TOGARAM1: variants seen among roughly 807,000 people sequenced by gnomAD.
TOGARAM1 encodes TOG array regulator of axonemal microtubules protein 1.
In TOGARAM1, 100 loss-of-function variants were observed where a neutral mutation model predicts 166.6. The observed-to-expected ratio is 0.60, with a 90% CI of 0.51 to 0.71. The LOEUF is 0.71. Ranked by LOEUF, TOGARAM1 falls within the 30% of genes least tolerant of loss-of-function variation. The probability of loss-of-function intolerance (pLI) is 0.00; values close to 1 mark genes in which losing one functional copy is unlikely to be tolerated. For synonymous variants in TOGARAM1, 758 were observed against 763.8 expected, an observed-to-expected ratio of 0.99 and a Z score of 0.13; for missense variants, 2,029 against 2,102.7, an observed-to-expected ratio of 0.96 and a Z score of 0.69.
At chr14:45,040,943 G>A (rs1248892232) in intron 11 of TOGARAM1, among the ~76,000 whole-genome samples, 1 of 152,160 alleles carries the variant, frequency 6.6e-6, no homozygotes, top group East Asian at 1.9e-4. Context: ...GGAGGCTAAG[G>A]CACAAGAATC....
At chr14:45,017,464 G>A (rs1880221189) in intron 7 of TOGARAM1, among the ~76,000 whole-genome samples, 1 of 151,858 alleles carries the variant, frequency 6.6e-6, no homozygotes, top group Admixed American at 6.6e-5. Context: ...CCACTAAAAT[G>A]GAATGGAAGA....
chr14:45,002,091 G>A (rs981945784), intron 3 of TOGARAM1, among the ~76,000 whole-genome samples: 20 of 151,982 alleles, frequency 1.3e-4, no homozygotes, highest in African/African-American at 3.9e-4. Context: ...AGAAGATTTC[G>A]TGTATTTAGC....
intron 14 of TOGARAM1, 90 bp from the exon 15 acceptor site, chr14:45,052,346 T>A: frequency 9.2e-7 from 1 of 1,090,576 alleles, no homozygotes; most frequent in Non-Finnish European, 1.3e-6. Context: ...TGATAGGTGT[T>A]TTTTTTCTAT....
chr14:45,007,394 CAT>C (rs1224808890), intron 5 of TOGARAM1: 4 of 151,068 alleles, frequency 2.6e-5, no homozygotes, highest in Non-Finnish European at 5.9e-5. Flanking sequence ...AGGGAAGAAA[CAT>C]ATAGAAAAGA....
chr14:45,056,477 T>G (rs909090313), intron 16 of TOGARAM1, among the ~76,000 whole-genome samples: 4 of 152,254 alleles, frequency 2.6e-5, no homozygotes, highest in African/African-American at 7.2e-5. Context: ...CTTTTTCCTA[T>G]TTAGTATGAT....
At chr14:45,045,581 A>G (rs1329731515) in intron 13 of TOGARAM1, among the ~76,000 whole-genome samples, 13 of 33,152 alleles carry the variant, frequency 3.9e-4, no homozygotes, top group Admixed American at 1.6e-3. Flanking sequence ...ATATATATAT[A>G]TATGTGTGTG....
At chr14:45,025,681 A>G in intron 7 of TOGARAM1, 102 bp from the exon 8 acceptor site, 1 of 618,974 alleles carries the variant, frequency 1.6e-6, no homozygotes, top group Non-Finnish European at 2.8e-6. Flanking sequence ...CTTTGTATGA[A>G]ATAAATTTTC....
chr14:45,072,858 A>G (rs921615969), intron 19 of TOGARAM1, among the ~76,000 whole-genome samples: 1 of 152,188 alleles, frequency 6.6e-6, no homozygotes, highest in African/African-American at 2.4e-5. Context: ...AAAGGAGAAG[A>G]AAAAAAGCCC....
chr14:45,019,913 G>C (rs1398977215), intron 7 of TOGARAM1, among the ~76,000 whole-genome samples: 2 of 152,180 alleles, frequency 1.3e-5, no homozygotes, highest in African/African-American at 4.8e-5. Context: ...GGGTCATGCA[G>C]TTGAGATTTC....
chr14:44,990,812 T>C (rs1887080799), intron 1 of TOGARAM1, among the ~76,000 whole-genome samples: 1 of 152,010 alleles, frequency 6.6e-6, no homozygotes, highest in Non-Finnish European at 1.5e-5. Flanking sequence ...AAAAAACACT[T>C]TGGGTTTTTT....
At chr14:45,007,962 C>G (rs1879561109) in intron 5 of TOGARAM1, 1 of 152,136 alleles carries the variant, frequency 6.6e-6, no homozygotes, top group Non-Finnish European at 1.5e-5. Flanking sequence ...GCACTGTTCA[C>G]CTAACTTTAT....
chr14:45,044,553 A>C (rs553234389), intron 12 of TOGARAM1, 82 bp from the exon 13 acceptor site: 10 of 1,017,274 alleles, frequency 9.8e-6, no homozygotes, highest in Admixed American at 2.6e-5. Context: ...AAAAAAAAAC[A>C]TTGTAAAATT....
chr14:45,066,407 G>T (rs1883138569), intron 16 of TOGARAM1, among the ~76,000 whole-genome samples, 171 bp from the exon 17 acceptor site: 1 of 152,100 alleles, frequency 6.6e-6, no homozygotes, highest in South Asian at 2.1e-4. Context: ...AAATCCAGGG[G>T]AGATCCTGGG....
At chr14:45,057,026 GT>G (rs900515514) in intron 16 of TOGARAM1, among the ~76,000 whole-genome samples, 2 of 151,946 alleles carry the variant, frequency 1.3e-5, no homozygotes, top group Non-Finnish European at 2.9e-5. Flanking sequence ...GTCCTGTGGG[GT>G]TTTTTTGCTT....
intron 18 of TOGARAM1, among the ~76,000 whole-genome samples, chr14:45,070,254 A>G (rs897417822): frequency 2.0e-5 from 3 of 152,200 alleles, no homozygotes; most frequent in Admixed American, 6.5e-5. Flanking sequence ...ATGGTTCAAC[A>G]TATGCAAATG....
chr14:45,014,293 A>C (rs1879990673), intron 7 of TOGARAM1, among the ~76,000 whole-genome samples: 1 of 151,918 alleles, frequency 6.6e-6, no homozygotes, highest in Non-Finnish European at 1.5e-5. Flanking sequence ...CCTCCCAACA[A>C]AGTTGCCTAA....
chr14:45,063,757 C>T (rs1294963987), intron 16 of TOGARAM1, among the ~76,000 whole-genome samples: 3 of 152,112 alleles, frequency 2.0e-5, no homozygotes, highest in South Asian at 4.1e-4. Flanking sequence ...GGATTACAGG[C>T]GTGAGCCACT....
At position 44,995,920 on chromosome 14, in the gene TOGARAM1, A is replaced by C. The variant is rs367831139; in HGVS notation, c.2203+18A>C. 3 of 1,579,732 alleles carry C rather than the reference A, an allele frequency of 1.9e-6. No individual in the cohort carries two copies. Among genetic ancestry groups the C allele is most frequent in the Admixed American group, 1.9e-5 (1 of 52,536 alleles). On this transcript the variant is annotated intron_variant, in intron 2 of 19. Transcript: ENST00000361462. ...TGCTGCTGGTAAGTACAAGTTGCTG[A>C]TGATGGTCATGTTGAACTAACAGAC...
chr14:45,047,785 G>A (rs1166607369), intron 14 of TOGARAM1, among the ~76,000 whole-genome samples: 1 of 152,104 alleles, frequency 6.6e-6, no homozygotes, highest in African/African-American at 2.4e-5. Flanking sequence ...GCCGGGTGTG[G>A]TGGCTCACAC....
Sources: gnomAD v4.1 joint callset for allele counts (sites outside exome capture counted in the v4.1 genomes callset) on GRCh38, gnomAD v4.1.1 for gene constraint, MANE v1.5 for transcripts, NCBI Gene and HGNC (gene_info 2026-07-23, HGNC 2026-07-21) for gene names.